Variants in FER observed in about 807,000 individuals in gnomAD.
The protein encoded by FER is tyrosine-protein kinase Fer.
In FER, 63 loss-of-function variants were observed where a neutral mutation model predicts 111.0. That is an observed-to-expected ratio of 0.57 (90% CI 0.46 to 0.70). The LOEUF (loss-of-function observed/expected upper bound fraction) is 0.70, where lower values mean the gene tolerates loss of function less well. FER is among the 30% of genes least tolerant of loss of function. The probability of loss-of-function intolerance (pLI) is 0.00; values close to 1 mark genes in which losing one functional copy is unlikely to be tolerated. For missense variants in FER, 914 were observed against 954.0 expected, an observed-to-expected ratio of 0.96 and a Z score of 0.55; for synonymous variants, 327 against 313.9, an observed-to-expected ratio of 1.04 and a Z score of -0.44.
At chr5:108,902,227 A>C (rs942040163) in intron 10 of FER, among the ~76,000 whole-genome samples, 3 of 152,210 alleles carry the variant, frequency 2.0e-5, no homozygotes, top group Non-Finnish European at 4.4e-5. Flanking sequence ...GCATTTAGAG[A>C]TGATATCTTT....
intron 15 of FER, among the ~76,000 whole-genome samples, chr5:109,046,835 T>C (rs1772052535): frequency 6.6e-6 from 1 of 152,200 alleles, no homozygotes; most frequent in Non-Finnish European, 1.5e-5. Flanking sequence ...GTGTAGGTTG[T>C]ATGCAAATAT....
chr5:109,137,552 C>A (rs1440557331), intron 17 of FER, among the ~76,000 whole-genome samples: 1 of 152,146 alleles, frequency 6.6e-6, no homozygotes, highest in Non-Finnish European at 1.5e-5. Context: ...TAGGGGGGAA[C>A]TCAAGATAGT....
At chr5:108,957,557 A>G (rs982906073) in intron 12 of FER, among the ~76,000 whole-genome samples, 1 of 151,710 alleles carries the variant, frequency 6.6e-6, no homozygotes, top group African/African-American at 2.4e-5. Context: ...TTTCTCAAAA[A>G]GCTATGATAG....
intron 13 of FER, among the ~76,000 whole-genome samples, chr5:108,968,224 T>A (rs1760162643): frequency 6.6e-6 from 1 of 152,078 alleles, no homozygotes; most frequent in South Asian, 2.1e-4. Context: ...CTTTTTCTAC[T>A]AAAAATACAA....
intron 2 of FER, among the ~76,000 whole-genome samples, chr5:108,790,933 G>T (rs959998949): frequency 6.6e-6 from 1 of 152,100 alleles, no homozygotes; most frequent in Non-Finnish European, 1.5e-5. Flanking sequence ...CTTTGACCTA[G>T]TAAAACATTT....
At chr5:108,801,342 G>T (rs1756622155) in intron 3 of FER, among the ~76,000 whole-genome samples, 1 of 151,964 alleles carries the variant, frequency 6.6e-6, no homozygotes, top group Non-Finnish European at 1.5e-5. Context: ...TCTTTATTCT[G>T]TTCCATTCAT....
At chr5:108,883,005 T>A (rs1470150834) in intron 8 of FER, among the ~76,000 whole-genome samples, 1 of 152,000 alleles carries the variant, frequency 6.6e-6, no homozygotes, top group East Asian at 1.9e-4. Flanking sequence ...CATAAGATTG[T>A]TGTGAAGAGT....
intron 1 of FER, among the ~76,000 whole-genome samples, chr5:108,751,612 A>G (rs1383746237): frequency 6.6e-6 from 1 of 152,204 alleles, no homozygotes; most frequent in Non-Finnish European, 1.5e-5. Context: ...AACTTGATAA[A>G]TTGGGTCAAT....
intron 3 of FER, chr5:108,819,833 A>G (rs1482585893): frequency 8.1e-6 from 8 of 985,196 alleles, no homozygotes; most frequent in Non-Finnish European, 9.6e-6. Context: ...GTAAGAACTG[A>G]GTTTTAATTT....
In FER at chr5:109,187,462, C is replaced by G. The variant is rs768057319; in HGVS notation, c.2356C>G (p.Pro786Ala). 1.2e-6 allele frequency: 2 copies of G among 1,614,026 alleles called. No individual in the cohort carries two copies. Among genetic ancestry groups the G allele is most frequent in the Non-Finnish European group, 1.7e-6 (2 of 1,179,972 alleles). ...CCGGATGTCAGCTCCCCAGCACTGT[C>G]CAGAGGATATTTCCAAAATCATGAT... is the stretch of plus-strand genomic sequence containing the variant. ...GYRMSAPQHC[P>A]EDISKIMMKC... The change falls in exon 20 of 20, where the codon CCA becomes GCA. Residue 786 changes from proline to alanine, a missense_variant. Transcript: ENST00000281092.
intron 17 of FER, among the ~76,000 whole-genome samples, chr5:109,130,263 G>C (rs1752216504): frequency 6.6e-6 from 1 of 151,966 alleles, no homozygotes; most frequent in Non-Finnish European, 1.5e-5. Flanking sequence ...AATAATTTGA[G>C]TTTTAATTGA....
chr5:108,947,975 G>GC, intron 11 of FER, among the ~76,000 whole-genome samples: 1 of 151,860 alleles, frequency 6.6e-6, no homozygotes, highest in East Asian at 1.9e-4. Context: ...TCCCTCCTCG[G>GC]CCCCGCTAAG....
intron 10 of FER, among the ~76,000 whole-genome samples, chr5:108,902,899 T>TA (rs1750237687): frequency 6.7e-6 from 1 of 148,912 alleles, no homozygotes; most frequent in African/African-American, 2.5e-5. Flanking sequence ...TGCTTTCTTA[T>TA]TATATTTATT....
chr5:109,067,732 A>C (rs915638866), intron 16 of FER, among the ~76,000 whole-genome samples: 2 of 152,134 alleles, frequency 1.3e-5, no homozygotes. Flanking sequence ...ATTTTGGGTT[A>C]AATTCTACTC....
chr5:109,149,353 C>A lies in FER; in HGVS notation c.2049-31394C>A, dbSNP rs539337533. Among the ~76,000 whole-genome samples the A allele has an allele frequency of 7.9e-5, 12 of 152,214 alleles. No individual in the cohort carries two copies. In the South Asian group the frequency reaches 2.5e-3, roughly 32 times the overall value. On this transcript the variant is annotated intron_variant, in intron 17 of 19. Coordinates refer to ENST00000281092, the MANE Select transcript of FER (RefSeq NM_005246.4). ...AAAAGAGTATCTGGAGCATGAGACA[C>A]CCTAAACTTCTCTGAGCGCCTACAG...
chr5:109,180,294 A>T (rs1758150592), intron 17 of FER, among the ~76,000 whole-genome samples: 1 of 152,212 alleles, frequency 6.6e-6, no homozygotes. Context: ...TACTAGGCAC[A>T]TGCAGCTATT....
chr5:108,899,061 T>C (rs894421215), intron 10 of FER, among the ~76,000 whole-genome samples: 27 of 151,326 alleles, frequency 1.8e-4, no homozygotes, highest in African/African-American at 6.6e-4. Flanking sequence ...TATGATTTGA[T>C]TAAGTGGGTT....
intron 1 of FER, chr5:108,748,739 C>T (rs190904978): frequency 6.6e-6 from 1 of 152,454 alleles, no homozygotes; most frequent in East Asian, 1.9e-4. Flanking sequence ...AAGTCCTGCC[C>T]CTTCGGGGAC....
rs74340448 is a variant in FER, at chr5:109,159,796, C to T, written c.2049-20951C>T. On this transcript the variant is annotated intron_variant, in intron 17 of 19. Transcript: ENST00000281092. ...GCACAGACTAGAGTCTGCGAATAGT[C>T]GCAGCCCACCCTCCCCAGGCCTCTC... Among the ~76,000 whole-genome samples, 1,158 of 152,262 alleles carry T rather than the reference C, an allele frequency of 7.6e-3. 16 individuals carry two copies. The highest frequency in any genetic ancestry group is 0.026 in the African/African-American group (1,094 of 41,558).
Sources: allele counts gnomAD v4.1 joint callset (sites outside exome capture counted in the v4.1 genomes callset), GRCh38; gene constraint gnomAD v4.1.1; transcripts MANE v1.5; gene names NCBI Gene and HGNC (gene_info 2026-07-23, HGNC 2026-07-21).